MAPK8: variants seen among roughly 807,000 people sequenced by gnomAD.
MAPK8 encodes the protein JUN N-terminal kinase.
MAPK8 carries 13 observed loss-of-function variants against 52.9 expected under a neutral mutation model. The ratio of observed to expected loss-of-function variants is 0.25; its 90% confidence interval spans 0.16 to 0.39. The LOEUF is 0.39. Ranked by LOEUF, MAPK8 falls within the 10% of genes least tolerant of loss-of-function variation. The pLI is 1.00. For missense variants in MAPK8, 300 were observed against 519.2 expected, an observed-to-expected ratio of 0.58 and a Z score of 4.10; for synonymous variants, 191 against 169.8, an observed-to-expected ratio of 1.12 and a Z score of -0.97.
rs1292378607 is a variant in MAPK8, at chr10:48,437,649, G to C, written c.*2620G>C. 6.6e-6 allele frequency: 1 copy of C among 152,144 alleles called. No homozygotes were observed. The highest frequency in any genetic ancestry group is 1.5e-5 in the Non-Finnish European group (1 of 68,026). The allele number at this position is 152,144 out of a possible 1,614,324, so 9.4% of individuals were successfully genotyped here. A position where few individuals can be genotyped will look rare whatever the true frequency, so the allele number is the denominator to read the frequency against. ...CTTAGTTATACTATACGCAGATAGA[G>C]CATCTCAACTCTGTCATAGTGTTTG... On this transcript the variant is annotated 3_prime_UTR_variant, in exon 12 of 12. Coordinates refer to ENST00000374189, the MANE Select transcript of MAPK8 (RefSeq NM_001323329.2).
Position 48,410,133 on chromosome 10 carries a change from A to G in MAPK8, c.415A>G (p.Ile139Val). ...CCTTCTCTATCAGATGCTGTGTGGA[A>G]TCAAGCACCTTCATTCTGCTGGAAT... The part of the protein sequence containing the change: ...SYLLYQMLCG[I>V]KHLHSAGIIH... Residue 139 changes from isoleucine to valine, a missense_variant, in exon 5 of 12, where the codon ATC (isoleucine) becomes GTC (valine). Physicochemically the swap from Ile to Val is conservative, Grantham distance 29. Around this residue, in one of 3 missense-constraint regions of MAPK8, gnomAD observed 147 missense variants for 328.1 expected, o/e 0.45. Coordinates refer to ENST00000374189, the MANE Select transcript of MAPK8 (RefSeq NM_001323329.2). 6.4e-7 allele frequency: 1 copy of G among 1,569,252 alleles called. No homozygotes were observed. The highest frequency in any genetic ancestry group is 8.6e-7 in the Non-Finnish European group (1 of 1,160,072).
chr10:48,334,589 T>C (rs1844484130), intron 1 of MAPK8, among the ~76,000 whole-genome samples: 1 of 152,146 alleles, frequency 6.6e-6, no homozygotes, highest in African/African-American at 2.4e-5. Context: ...AGTCTCAGGT[T>C]TGTCTATGGC....
intron 3 of MAPK8, 141 bp from the exon 4 acceptor site, chr10:48,409,738 G>T (rs1436188513): frequency 1.6e-6 from 1 of 637,710 alleles, no homozygotes; most frequent in African/African-American, 1.8e-5. Flanking sequence ...TATATAAAAT[G>T]AAAGCAATTA....
intron 1 of MAPK8, among the ~76,000 whole-genome samples, chr10:48,312,035 G>A (rs1379699782): frequency 6.6e-6 from 1 of 152,178 alleles, no homozygotes; most frequent in African/African-American, 2.4e-5. Context: ...ACACAAGGAA[G>A]CAAATATTGT....
chr10:48,434,686 A>G (rs1029549169), intron 11 of MAPK8, among the ~76,000 whole-genome samples, 198 bp from the exon 12 acceptor site: 1 of 152,212 alleles, frequency 6.6e-6, no homozygotes, highest in African/African-American at 2.4e-5. Flanking sequence ...GATTCTAGAC[A>G]TTTTCAGAAT....
At chr10:48,433,865 A>C (rs2044590314) in intron 11 of MAPK8, among the ~76,000 whole-genome samples, 1 of 152,166 alleles carries the variant, frequency 6.6e-6, no homozygotes, top group Non-Finnish European at 1.5e-5. Context: ...ACCCTCAGAA[A>C]TTCTGCTCAG....
chr10:48,371,191 A>T (rs918511429), intron 1 of MAPK8, among the ~76,000 whole-genome samples: 3 of 152,138 alleles, frequency 2.0e-5, no homozygotes, highest in Non-Finnish European at 4.4e-5. Flanking sequence ...TGATATTTTT[A>T]AAATAACTTT....
intron 6 of MAPK8, among the ~76,000 whole-genome samples, chr10:48,423,098 A>T (rs909499565): frequency 6.6e-6 from 1 of 151,282 alleles, no homozygotes; most frequent in African/African-American, 2.4e-5. Context: ...GCAAGCACTT[A>T]CTCTCTCCTT....
At chr10:48,409,791 G>GT (rs948007622) in intron 3 of MAPK8, 88 bp from the exon 4 acceptor site, 84 of 871,286 alleles carry the variant, frequency 9.6e-5, no homozygotes, top group Non-Finnish European at 1.2e-4. Context: ...ACTGATGGTA[G>GT]TTTTTTTTAA....
At chr10:48,321,748 TC>T (rs1418843406) in intron 1 of MAPK8, among the ~76,000 whole-genome samples, 2 of 152,214 alleles carry the variant, frequency 1.3e-5, no homozygotes, top group Non-Finnish European at 2.9e-5. Context: ...TTGTCCTAGC[TC>T]CATTTGTTGA....
intron 1 of MAPK8, among the ~76,000 whole-genome samples, chr10:48,321,338 G>C (rs1229541143): frequency 6.6e-6 from 1 of 151,854 alleles, no homozygotes; most frequent in Non-Finnish European, 1.5e-5. Flanking sequence ...CTCCCACCTT[G>C]GCCTCCAAAA....
intron 1 of MAPK8, among the ~76,000 whole-genome samples, chr10:48,363,936 TAGA>T (rs1847798835): frequency 6.6e-6 from 1 of 152,204 alleles, no homozygotes; most frequent in African/African-American, 2.4e-5. Flanking sequence ...TTACAGTGCT[TAGA>T]AGATTTTGTT....
At chr10:48,345,536 A>G (rs1845683937) in intron 1 of MAPK8, among the ~76,000 whole-genome samples, 2 of 152,248 alleles carry the variant, frequency 1.3e-5, no homozygotes, top group African/African-American at 4.8e-5. Flanking sequence ...CTAACCATGA[A>G]GAAAATGATA....
intron 1 of MAPK8, among the ~76,000 whole-genome samples, chr10:48,366,646 C>T (rs1001999607): frequency 1.1e-4 from 17 of 152,196 alleles, no homozygotes; most frequent in Admixed American, 6.5e-4. Context: ...TTATCCTTAC[C>T]ACATGAGTTA....
At chr10:48,427,835 C>G (rs1190895319) in intron 10 of MAPK8, among the ~76,000 whole-genome samples, 1 of 152,146 alleles carries the variant, frequency 6.6e-6, no homozygotes, top group African/African-American at 2.4e-5. Context: ...CACGTATCTG[C>G]CTCTCTTGCT....
At chr10:48,314,643 T>C (rs1842326932) in intron 1 of MAPK8, among the ~76,000 whole-genome samples, 1 of 152,202 alleles carries the variant, frequency 6.6e-6, no homozygotes, top group Non-Finnish European at 1.5e-5. Flanking sequence ...CCAACTTCCA[T>C]TCCACCAGCA....
chr10:48,400,083 T>A (rs760433640), intron 1 of MAPK8, among the ~76,000 whole-genome samples: 6 of 152,238 alleles, frequency 3.9e-5, no homozygotes, highest in Non-Finnish European at 7.3e-5. Context: ...ATTCAGGTTA[T>A]GGTAGGAAAA....
At chr10:48,318,880 C>G (rs1842739861) in intron 1 of MAPK8, among the ~76,000 whole-genome samples, 1 of 152,174 alleles carries the variant, frequency 6.6e-6, no homozygotes, top group South Asian at 2.1e-4. Context: ...TTGGGAATTT[C>G]AGAAGGCCAA....
At chr10:48,340,942 A>G (rs1488945981) in intron 1 of MAPK8, among the ~76,000 whole-genome samples, 1 of 152,176 alleles carries the variant, frequency 6.6e-6, no homozygotes, top group African/African-American at 2.4e-5. Context: ...AGTGTTCTGG[A>G]AAGAGCCTCC....
Sources: allele counts gnomAD v4.1 joint callset (sites outside exome capture counted in the v4.1 genomes callset), GRCh38; gene constraint gnomAD v4.1.1; regional missense constraint gnomAD v4.1.1; transcripts MANE v1.5; gene names NCBI Gene and HGNC (gene_info 2026-07-23, HGNC 2026-07-21).